The following PTPRS variants were observed in gnomAD, a reference collection of about 807,000 sequenced individuals.
PTPRS encodes protein tyrosine phosphatase receptor type S, also known as receptor-type tyrosine-protein phosphatase S.
Under a neutral mutation model 215.3 loss-of-function variants are expected in PTPRS, and 63 were observed. The ratio of observed to expected loss-of-function variants is 0.29; its 90% CI spans 0.24 to 0.36. The LOEUF (loss-of-function observed/expected upper bound fraction) is 0.36. Among genes scored for constraint, PTPRS ranks in the 10% least tolerant of loss-of-function variants. The pLI is 1.00. For synonymous variants in PTPRS, 1,404 were observed against 1,191.4 expected (o/e 1.18, Z -3.68); for missense variants, 2,258 against 2,825.8 (o/e 0.80, Z 4.56).
chr19:5,247,479 A>C (rs956373084), intron 9 of PTPRS, among the ~76,000 whole-genome samples: 5 of 152,114 alleles, frequency 3.3e-5, no homozygotes, highest in Non-Finnish European at 7.4e-5. Flanking sequence ...ACTCGGGTGA[A>C]CCTAATAAAT....
intron 1 of PTPRS, among the ~76,000 whole-genome samples, chr19:5,299,528 C>T (rs900860672): frequency 6.6e-6 from 1 of 152,234 alleles, no homozygotes; most frequent in Non-Finnish European, 1.5e-5. Context: ...TTACTGTCAC[C>T]TGAAATTCTC....
At chr19:5,265,968 C>A (rs1307321060) in intron 4 of PTPRS, among the ~76,000 whole-genome samples, 3 of 152,076 alleles carry the variant, frequency 2.0e-5, no homozygotes, top group South Asian at 2.1e-4. Context: ...GAGATATATA[C>A]ATATAAATCA....
intron 4 of PTPRS, among the ~76,000 whole-genome samples, chr19:5,270,599 G>A (rs558818628): frequency 2.0e-5 from 3 of 152,212 alleles, no homozygotes; most frequent in East Asian, 1.9e-4. Context: ...TGTGAGCCAC[G>A]GCATGTGGCC....
At position 5,273,661 on chromosome 19, in the gene PTPRS, G is replaced by A. The variant is rs1396465771; in HGVS notation, c.238-78C>T. On this transcript the variant is annotated intron_variant, in intron 3 of 37. Coordinates refer to ENST00000262963, the MANE Select transcript of PTPRS (RefSeq NM_002850.4). Reference sequence around the variant, plus strand: ...TTCCTGTCTAGGCTGGGCTAGGCTGGGCTGTAGGGGAATGGCAGTCAGCCC... The same window carrying A: ...TTCCTGTCTAGGCTGGGCTAGGCTGAGCTGTAGGGGAATGGCAGTCAGCCC... The A allele has an allele frequency of 4.5e-6, 7 of 1,546,110 alleles. No homozygotes were observed. In the African/African-American group the frequency reaches 9.5e-5, roughly 21 times the overall value.
chr19:5,214,118 A>G (rs2041190663), intron 30 of PTPRS, among the ~76,000 whole-genome samples: 1 of 152,214 alleles, frequency 6.6e-6, no homozygotes. Context: ...AATCAGGCTC[A>G]TTGCTGAGTT....
rs1231283237 is a variant in PTPRS, at chr19:5,339,759, T to TC, written c.-95+904dup. Reference sequence around the variant, plus strand: ...GCCCCCGGTATGACGTCACCTCCCCTCCCCCCGCAGCCCCCGGGGGCTCCC... The same window carrying TC: ...GCCCCCGGTATGACGTCACCTCCCCTCCCCCCCGCAGCCCCCGGGGGCTCCC... On this transcript the variant is annotated intron_variant, in intron 1 of 37. Coordinates refer to ENST00000262963, the MANE Select transcript of PTPRS (RefSeq NM_002850.4). The surrounding 1 kb of genome is among the most constrained non-coding windows in gnomAD (Gnocchi z 4.2). Among the ~76,000 whole-genome samples the TC allele has an allele frequency of 6.7e-6, 1 of 150,328 alleles. No homozygotes were observed. Among genetic ancestry groups the TC allele is most frequent in the Non-Finnish European group, 1.5e-5 (1 of 67,426 alleles).
rs1487857541 is a variant in PTPRS, at chr19:5,236,862, AAAAC to A, written c.1849+2053_1849+2056del. 1.7e-3 allele frequency among the ~76,000 whole-genome samples: 250 copies of A among 151,320 alleles called. 1 individual carries two copies. Among genetic ancestry groups the A allele is most frequent in the African/African-American group, 5.9e-3 (242 of 41,144 alleles). On this transcript the variant is annotated intron_variant, in intron 13 of 37. Transcript: ENST00000262963. ...AGGGAGCAGGGGGAAAAAAAAAAAA[AAAAC>A]AACAATCAAGGAATGTGTCGGAAGG... is the stretch of plus-strand genomic sequence containing the variant.
rs1334691784 is a variant in PTPRS at position 5,237,733 on chromosome 19, A to C, written c.1849+1186T>G. On this transcript the variant is annotated intron_variant, in intron 13 of 37. Coordinates refer to ENST00000262963, the MANE Select transcript of PTPRS (RefSeq NM_002850.4). The surrounding 1 kb of genome is among the most constrained non-coding windows in gnomAD (Gnocchi z 4.2). The stretch of plus-strand genomic sequence containing the variant: ...CAGCCAGTCTCTCAGGTGGCTGCCC[A>C]AGCCACAGGCCACCCTCACTGACTC... Among the ~76,000 whole-genome samples, 4 of 152,126 alleles carry C rather than the reference A, an allele frequency of 2.6e-5. No homozygotes were observed. The highest frequency in any genetic ancestry group is 9.7e-5 in the African/African-American group (4 of 41,414).
At chr19:5,318,861 G>C (rs983891131) in intron 1 of PTPRS, among the ~76,000 whole-genome samples, 1 of 152,148 alleles carries the variant, frequency 6.6e-6, no homozygotes, top group African/African-American at 2.4e-5. Context: ...GGCTGTCAGG[G>C]TGTCTAGCAC....
At chr19:5,253,697 C>A (rs906995446) in intron 9 of PTPRS, among the ~76,000 whole-genome samples, 2 of 152,192 alleles carry the variant, frequency 1.3e-5, no homozygotes, top group African/African-American at 4.8e-5. Flanking sequence ...GAATTAGCTT[C>A]TGCCCTACAA....
At chr19:5,262,724 G>A (rs1326593730) in intron 6 of PTPRS, among the ~76,000 whole-genome samples, 1 of 151,136 alleles carries the variant, frequency 6.6e-6, no homozygotes, top group Non-Finnish European at 1.5e-5. Context: ...TCCTTTGGGT[G>A]GACTTGTCTC....
chr19:5,236,332 G>C (rs2043439197), intron 13 of PTPRS, among the ~76,000 whole-genome samples: 1 of 152,258 alleles, frequency 6.6e-6, no homozygotes, highest in African/African-American at 2.4e-5. Flanking sequence ...GGCATGCAGT[G>C]ATGAGGTGGC....
chr19:5,324,543 G>C (rs1052803645), intron 1 of PTPRS, among the ~76,000 whole-genome samples: 1 of 152,204 alleles, frequency 6.6e-6, no homozygotes, highest in South Asian at 2.1e-4. Context: ...GGTTGCAATG[G>C]AGGAGGAGAG....
intron 2 of PTPRS, chr19:5,277,917 G>A (rs2047525187): frequency 2.1e-6 from 3 of 1,419,570 alleles, no homozygotes; most frequent in South Asian, 1.2e-5. Flanking sequence ...GTGGTTACGG[G>A]AGCAACAAAA....
rs529314587 is a variant in PTPRS at position 5,323,593 on chromosome 19, G to A, written c.-95+17071C>T. On this transcript the variant is annotated intron_variant, in intron 1 of 37. Transcript: ENST00000262963. ...CAGACTGTGCAAAGGCCCTGGGGCG[G>A]GACCATGCCTGGTGTATTGGAGGAA... Among the ~76,000 whole-genome samples, 5 of 152,382 alleles carry A rather than the reference G, an allele frequency of 3.3e-5. No individual in the cohort carries two copies. In the East Asian group the frequency reaches 9.6e-4, roughly 29 times the overall value.
rs1031093441 is a variant in PTPRS, at chr19:5,339,429, G to A, written c.-95+1235C>T. Among the ~76,000 whole-genome samples the A allele has an allele frequency of 1.3e-5, 2 of 151,970 alleles. No individual in the cohort carries two copies. The highest frequency in any genetic ancestry group is 1.5e-5 in the Non-Finnish European group (1 of 67,986). On this transcript the variant is annotated intron_variant, in intron 1 of 37. Coordinates refer to ENST00000262963, the MANE Select transcript of PTPRS (RefSeq NM_002850.4). This position sits in a 1 kb window ranked among gnomAD's most constrained non-coding sequence, Gnocchi z 4.2. ...AAGGAGGTCCCAGATTTGGGGCGGGGGGTGTGGCTGAAAAAAAGATTCCCA... is the reference window on the plus strand; with the variant it reads ...AAGGAGGTCCCAGATTTGGGGCGGGAGGTGTGGCTGAAAAAAAGATTCCCA...
Position 5,211,610 on chromosome 19 carries a change from G to A in PTPRS, c.5214C>T (p.Ala1738=). Residue 1738 remains alanine, a synonymous_variant, in exon 33 of 38, where the codon GCC becomes GCT. Transcript: ENST00000262963. ...CCTACCTGTAGCCATCAATGAAGCT[G>A]GCGTTGATGTAGTCAGAGCCCTCCA... ...RGVEGSDYIN[A]SFIDGYRQQK... 1 of 1,609,894 alleles carries A rather than the reference G, an allele frequency of 6.2e-7. No individual in the cohort carries two copies.
chr19:5,273,031 A>C, intron 4 of PTPRS: 1 of 263,506 alleles, frequency 3.8e-6, no homozygotes, highest in South Asian at 4.3e-5. Context: ...ATACAGAAGG[A>C]AACAAAGCCA....
intron 4 of PTPRS, among the ~76,000 whole-genome samples, chr19:5,267,965 C>G (rs1363269283): frequency 6.6e-6 from 1 of 151,738 alleles, no homozygotes; most frequent in Non-Finnish European, 1.5e-5. Flanking sequence ...GTCAGGAGAT[C>G]GAGACCATCC....
Sources: allele counts gnomAD v4.1 joint callset (sites outside exome capture counted in the v4.1 genomes callset), GRCh38; gene constraint gnomAD v4.1.1; non-coding constraint Gnocchi (gnomAD v3.1); transcripts MANE v1.5; gene names NCBI Gene and HGNC (gene_info 2026-07-23, HGNC 2026-07-21).